EN2: variants seen among roughly 807,000 people sequenced by gnomAD.
EN2 encodes the protein homeobox protein engrailed-2.
Under a neutral mutation model 25.0 loss-of-function variants are expected in EN2, and 7 were observed. The observed-to-expected ratio is 0.28, with a 90% CI of 0.16 to 0.53. EN2 has a LOEUF of 0.53. Ranked by LOEUF, EN2 falls within the 20% of genes least tolerant of loss-of-function variation. EN2 has a pLI of 0.96. For missense variants in EN2, 524 were observed against 501.8 expected, an observed-to-expected ratio of 1.04 and a Z score of -0.42; for synonymous variants, 277 against 243.3, an observed-to-expected ratio of 1.14 and a Z score of -1.29.
At chr7:155,461,960 C>T (rs918538654) in intron 1 of EN2, among the ~76,000 whole-genome samples, 2 of 152,212 alleles carry the variant, frequency 1.3e-5, no homozygotes, top group African/African-American at 4.8e-5. Flanking sequence ...CGCCCTGCAG[C>T]CTTTCCCAGT....
intron 1 of EN2, among the ~76,000 whole-genome samples, chr7:155,460,935 G>A (rs952595310): frequency 2.6e-5 from 4 of 152,198 alleles, no homozygotes; most frequent in Non-Finnish European, 5.9e-5. Context: ...CTGAGGTGGT[G>A]CCCACAGATC....
rs1403436911 is a variant in EN2 at position 155,458,814 on chromosome 7, C to G, written c.437C>G (p.Ala146Gly). 7.1e-7 allele frequency: 1 copy of G among 1,414,488 alleles called. No homozygotes were observed. Among genetic ancestry groups the G allele is most frequent in the African/African-American group, 1.5e-5 (1 of 65,926 alleles). The allele number at this position is 1,414,488 out of a possible 1,614,324, so 87.6% of individuals were successfully genotyped here. A position where few individuals can be genotyped will look rare whatever the true frequency, so the allele number is the denominator to read the frequency against. The change falls in exon 1 of 2, where the codon GCC becomes GGC. Residue 146 changes from alanine (A) to glycine (G), a missense_variant. Coordinates refer to ENST00000297375, the MANE Select transcript of EN2 (RefSeq NM_001427.4). ...GGCGCGGGCGGGCCGCTCCCAGCCG[C>G]CGGCAGCGACTCTCCGGGTGACGGG... ...APGAGGPLPA[A>G]GSDSPGDGEG...
In EN2 at chr7:155,463,284, G is replaced by C. The variant is rs957044299; in HGVS notation, c.*597G>C. 5 of 151,976 alleles carry C rather than the reference G, an allele frequency of 3.3e-5. No homozygotes were observed. The highest frequency in any genetic ancestry group is 7.3e-5 in the African/African-American group (3 of 40,858). The allele number at this position is 151,976 out of a possible 1,614,324, so 9.4% of individuals were successfully genotyped here. On this transcript the variant is annotated 3_prime_UTR_variant, in exon 2 of 2. Coordinates refer to ENST00000297375, the MANE Select transcript of EN2 (RefSeq NM_001427.4). ...GGCCAGTTCTGGGATTTGGCCCTGGGAAGCAGCCCAGCGTACCCCAGGCCT... is the reference window on the plus strand; with the variant it reads ...GGCCAGTTCTGGGATTTGGCCCTGGCAAGCAGCCCAGCGTACCCCAGGCCT...
chr7:155,462,679 A>G lies in EN2; in HGVS notation c.994A>G (p.Ser332Gly). The G allele has an allele frequency of 1.3e-6, 2 of 1,580,722 alleles. No homozygotes were observed. The highest frequency in any genetic ancestry group is 1.7e-6 in the Non-Finnish European group (2 of 1,161,888). The change falls in exon 2 of 2, where the codon AGC becomes GGC. Residue 332 changes from serine to glycine, a missense_variant. Ser to Gly is a moderately conservative substitution (Grantham distance 56). Coordinates refer to ENST00000297375, the MANE Select transcript of EN2 (RefSeq NM_001427.4). ...CACAGCCAAGGAGGGCAAGTCGGACAGCGAGTAGGGCGGGGGGCATGGAGG... is the reference window on the plus strand; with the variant it reads ...CACAGCCAAGGAGGGCAAGTCGGACGGCGAGTAGGGCGGGGGGCATGGAGG... ...STTAKEGKSD[S>G]E is the part of the protein sequence containing the mutation.
chr7:155,459,462 A>C (rs1401000112), intron 1 of EN2, among the ~76,000 whole-genome samples: 1 of 152,066 alleles, frequency 6.6e-6, no homozygotes, highest in Non-Finnish European at 1.5e-5. Context: ...CCGGAAGTGC[A>C]CACTCTCATC....
rs570191797 is a variant in EN2, at chr7:155,458,648, G to T, written c.271G>T (p.Gly91Cys). Residue 91 changes from glycine to cysteine, a missense_variant, in exon 1 of 2, where the codon GGC becomes TGC. Gly to Cys is a radical substitution (Grantham distance 159). Transcript: ENST00000297375. ...RRKDAGTCCA[G>C]AGGGRGGGAG... is the part of the protein sequence containing the mutation. ...AAAGGACGCGGGGACCTGCTGTGCG[G>T]GCGCGGGAGGAGGAAGGGGCGGCGG... The T allele has an allele frequency of 2.8e-6, 4 of 1,408,046 alleles. No individual in the cohort carries two copies. The African/African-American group carries it at 6.0e-5, about 21-fold the overall frequency. The allele number at this position is 1,408,046 out of a possible 1,614,324, so 87.2% of individuals were successfully genotyped here. A position where few individuals can be genotyped will look rare whatever the true frequency, so the allele number is the denominator to read the frequency against.
Position 155,462,734 on chromosome 7 carries a change from AT to A in EN2, c.*48del, listed in dbSNP as rs764108512. 6.6e-7 allele frequency: 1 copy of A among 1,503,810 alleles called. No individual in the cohort carries two copies. Among genetic ancestry groups the A allele is most frequent in the South Asian group, 1.3e-5 (1 of 77,236 alleles). The allele number at this position is 1,503,810 out of a possible 1,614,324, so 93.2% of individuals were successfully genotyped here. A position where few individuals can be genotyped will look rare whatever the true frequency, so the allele number is the denominator to read the frequency against. On this transcript the variant is annotated 3_prime_UTR_variant, in exon 2 of 2. Coordinates refer to ENST00000297375, the MANE Select transcript of EN2 (RefSeq NM_001427.4). Reference sequence around the variant, plus strand: ...GTCTCAGTCCGCGCTAAACAATGCAATAATTTAAAATCATAAAGGGCCAGTG... The same window carrying A: ...GTCTCAGTCCGCGCTAAACAATGCAAAATTTAAAATCATAAAGGGCCAGTG...
In EN2 at chr7:155,458,288, G is replaced by T; in HGVS notation, c.-90G>T. On this transcript the variant is annotated 5_prime_UTR_variant, in exon 1 of 2. Transcript: ENST00000297375. Reference sequence around the variant, plus strand: ...TCGGAAGACTCGGCGGGGTGGGGGCGCGGGGGTCTCCGTGTGCGCCGCGGG... The same window carrying T: ...TCGGAAGACTCGGCGGGGTGGGGGCTCGGGGGTCTCCGTGTGCGCCGCGGG... 1 of 1,243,938 alleles carries T rather than the reference G, an allele frequency of 8.0e-7. No homozygotes were observed. Among genetic ancestry groups the T allele is most frequent in the Non-Finnish European group, 1.0e-6 (1 of 986,634 alleles). The allele number at this position is 1,243,938 out of a possible 1,614,324, so 77.1% of individuals were successfully genotyped here.
chr7:155,461,298 G>A lies in EN2; in HGVS notation c.686-1073G>A, dbSNP rs1861972. Among the ~76,000 whole-genome samples the A allele has an allele frequency of 0.73, 110,688 of 152,216 alleles. 40,444 individuals are homozygous for A. The highest frequency in any genetic ancestry group is 0.94 in the East Asian group (4,857 of 5,172). ...GAGGCGAGGTCACCACTCCCTGCCA[G>A]TGGCCTTGCCCCCTTCTTCCCCCAC... On this transcript the variant is annotated intron_variant, in intron 1 of 1. Coordinates refer to ENST00000297375, the MANE Select transcript of EN2 (RefSeq NM_001427.4).
intron 1 of EN2, among the ~76,000 whole-genome samples, chr7:155,460,878 G>A (rs1187232497): frequency 6.6e-6 from 1 of 152,236 alleles, no homozygotes; most frequent in African/African-American, 2.4e-5. Context: ...GCTCTCATGG[G>A]TGGTGAGCCT....
intron 1 of EN2, among the ~76,000 whole-genome samples, 193 bp downstream of exon 1, chr7:155,459,255 G>A (rs1795667889): frequency 1.3e-5 from 2 of 152,236 alleles, no homozygotes; most frequent in Admixed American, 6.5e-5. Context: ...CGGCAGGACT[G>A]ATTCGCTAGG....
At chr7:155,459,656 G>A (rs1795672605) in intron 1 of EN2, among the ~76,000 whole-genome samples, 1 of 152,250 alleles carries the variant, frequency 6.6e-6, no homozygotes, top group Non-Finnish European at 1.5e-5. Flanking sequence ...ATGCACACAG[G>A]GAAGGAGGAA....
chr7:155,462,232 C>T (rs2116603322), intron 1 of EN2, 139 bp from the exon 2 acceptor site: 2 of 930,168 alleles, frequency 2.2e-6, no homozygotes, highest in East Asian at 4.9e-5. Flanking sequence ...CGAAGTCTAG[C>T]CCCACATCTG....
In EN2 at chr7:155,463,791, A is replaced by T. The variant is rs1795727302; in HGVS notation, c.*1104A>T. The T allele has an allele frequency of 6.6e-6, 1 of 152,236 alleles. No individual in the cohort carries two copies. Among genetic ancestry groups the T allele is most frequent in the Admixed American group, 6.5e-5 (1 of 15,290 alleles). The allele number at this position is 152,236 out of a possible 1,614,324, so 9.4% of individuals were successfully genotyped here. ...GGTGCCAGCCAGGGTCCCAGAAATG[A>T]GGCCATGGCTCACTGTTTCTGGGCG... On this transcript the variant is annotated 3_prime_UTR_variant, in exon 2 of 2. Transcript: ENST00000297375.
chr7:155,464,017 C>CACA lies in EN2; in HGVS notation c.*1332_*1333insAAC, dbSNP rs1554442986. 0.3 allele frequency: 45,596 copies of CACA among 150,292 alleles called. 7,819 individuals carry two copies. The highest frequency in any genetic ancestry group is 0.6 in the East Asian group (3,069 of 5,132). The allele number at this position is 150,292 out of a possible 1,614,324, so 9.3% of individuals were successfully genotyped here. ...GTGAACACACACACACACACACACA[C>CACA]ACCAGGCGTGTTTGAGTCCACAGTT... On this transcript the variant is annotated 3_prime_UTR_variant, in exon 2 of 2. Transcript: ENST00000297375.
Position 155,458,366 on chromosome 7 carries a change from A to G in EN2, c.-12A>G. The G allele has an allele frequency of 1.5e-6, 2 of 1,297,710 alleles. No homozygotes were observed. Among genetic ancestry groups the G allele is most frequent in the Non-Finnish European group, 2.0e-6 (2 of 1,017,848 alleles). 80.4% of individuals were successfully genotyped at this position (1,297,710 alleles called of 1,614,324 possible). On this transcript the variant is annotated 5_prime_UTR_variant, in exon 1 of 2. Transcript: ENST00000297375. ...TCCCCGGAGAACCAGTGTGGGATTTACTGTGAACAGCATGGAGGAGAATGA... is the reference window on the plus strand; with the variant it reads ...TCCCCGGAGAACCAGTGTGGGATTTGCTGTGAACAGCATGGAGGAGAATGA...
rs1461250799 is a variant in EN2, at chr7:155,458,870, G to C, written c.493G>C (p.Gly165Arg). ...EGGSKTLSLHGGAKKGGDPGG... is the reference protein window; with the variant it reads ...EGGSKTLSLHRGAKKGGDPGG... ...CGGCTCCAAGACGCTCTCGCTGCAC[G>C]GTGGCGCCAAGAAAGGCGGCGACCC... The change falls in exon 1 of 2, where the codon GGT becomes CGT. Residue 165 changes from glycine to arginine, a missense_variant. Physicochemically the swap from Gly to Arg is moderately radical, Grantham distance 125. Coordinates refer to ENST00000297375, the MANE Select transcript of EN2 (RefSeq NM_001427.4). 1.4e-5 allele frequency: 21 copies of C among 1,495,266 alleles called. No homozygotes were observed. The highest frequency in any genetic ancestry group is 1.9e-5 in the Non-Finnish European group (21 of 1,130,504). 92.6% of individuals were successfully genotyped at this position (1,495,266 alleles called of 1,614,324 possible).
At position 155,462,728 on chromosome 7, in the gene EN2, A is replaced by G. The variant is rs1795711957; in HGVS notation, c.*41A>G. On this transcript the variant is annotated 3_prime_UTR_variant, in exon 2 of 2. Transcript: ENST00000297375. ...GGCCAGGTCTCAGTCCGCGCTAAACAATGCAATAATTTAAAATCATAAAGG... is the reference window on the plus strand; with the variant it reads ...GGCCAGGTCTCAGTCCGCGCTAAACGATGCAATAATTTAAAATCATAAAGG... The G allele has an allele frequency of 2.0e-6, 3 of 1,513,482 alleles. No homozygotes were observed. Among genetic ancestry groups the G allele is most frequent in the Non-Finnish European group, 2.7e-6 (3 of 1,126,268 alleles). 93.8% of individuals were successfully genotyped at this position (1,513,482 alleles called of 1,614,324 possible).
chr7:155,459,596 G>T (rs965212531), intron 1 of EN2, among the ~76,000 whole-genome samples: 1 of 152,268 alleles, frequency 6.6e-6, no homozygotes, highest in Non-Finnish European at 1.5e-5. Flanking sequence ...GCCCTTTGCC[G>T]CTCTGCCTTC....
Sources: allele counts gnomAD v4.1 joint callset (sites outside exome capture counted in the v4.1 genomes callset), GRCh38; gene constraint gnomAD v4.1.1; transcripts MANE v1.5; gene names NCBI Gene and HGNC (gene_info 2026-07-23, HGNC 2026-07-21).